The following PTER variants were observed in gnomAD, a reference collection of about 807,000 sequenced individuals.
The protein encoded by PTER is phosphotriesterase related, also known as N-acetyltaurine hydrolase.
In PTER, 38 loss-of-function variants were observed where a neutral mutation model predicts 29.6. The ratio of observed to expected loss-of-function variants is 1.28; its 90% CI spans 0.99 to 1.68. The LOEUF (loss-of-function observed/expected upper bound fraction) is 1.68, where lower values mean the gene tolerates loss of function less well. PTER is among the 40% of genes most tolerant of loss of function. PTER has a pLI of 0.00. For missense variants in PTER, 482 were observed against 427.8 expected (o/e 1.13, Z -1.12); for synonymous variants, 172 against 154.5 (o/e 1.11, Z -0.84).
intron 1 of PTER, among the ~76,000 whole-genome samples, chr10:16,440,067 A>ATATT (rs1554785093): frequency 7.4e-6 from 1 of 135,238 alleles, no homozygotes; most frequent in African/African-American, 2.8e-5. Context: ...TCCTAACAAG[A>ATATT]TTTTTTTTTT....
At chr10:16,452,724 T>TCTTCTA (rs1221684004) in intron 1 of PTER, among the ~76,000 whole-genome samples, 1 of 151,784 alleles carries the variant, frequency 6.6e-6, no homozygotes, top group Non-Finnish European at 1.5e-5. Flanking sequence ...TTCCTCTTCT[T>TCTTCTA]CTTCTACTTC....
intron 1 of PTER, among the ~76,000 whole-genome samples, chr10:16,470,495 C>T (rs1403906267): frequency 4.6e-5 from 7 of 152,192 alleles, no homozygotes; most frequent in Non-Finnish European, 7.3e-5. Context: ...TGGGAGGGAG[C>T]GGTGGCTCAC....
chr10:16,510,522 C>G (rs1415490086), intron 4 of PTER, among the ~76,000 whole-genome samples: 3 of 152,232 alleles, frequency 2.0e-5, no homozygotes, highest in Admixed American at 1.3e-4. Flanking sequence ...ATGCCCCTCA[C>G]TTGCAGACCA....
intron 1 of PTER, among the ~76,000 whole-genome samples, chr10:16,454,477 G>T (rs1834323237): frequency 1.3e-5 from 2 of 152,014 alleles, no homozygotes; most frequent in South Asian, 4.2e-4. Context: ...TTAGGAGGCT[G>T]AGACATGAGA....
chr10:16,445,237 C>G (rs186370281), intron 1 of PTER, among the ~76,000 whole-genome samples: 31 of 152,220 alleles, frequency 2.0e-4, no homozygotes, highest in African/African-American at 7.0e-4. Flanking sequence ...TTTTAACTAC[C>G]AATCGCTCTG....
At chr10:16,447,308 A>T (rs1268031649) in intron 1 of PTER, among the ~76,000 whole-genome samples, 1 of 151,588 alleles carries the variant, frequency 6.6e-6, no homozygotes, top group East Asian at 1.9e-4. Context: ...TGTGTTGCTC[A>T]GGTCAATGTC....
downstream of PTER, chr10:16,514,266 T>C (rs530825001): frequency 3.7e-6 from 2 of 546,190 alleles, no homozygotes; most frequent in East Asian, 2.9e-5. Flanking sequence ...GTGATCTATA[T>C]AGGACTTCAT....
intron 3 of PTER, among the ~76,000 whole-genome samples, chr10:16,495,168 C>CT (rs3047217): frequency 0.19 from 25,173 of 131,712 alleles, 2,911 homozygotes; most frequent in East Asian, 0.35. Flanking sequence ...TTTGGAATTA[C>CT]TTTTTTTTTT....
chr10:16,450,867 G>A (rs1834182874), intron 1 of PTER, among the ~76,000 whole-genome samples: 1 of 152,320 alleles, frequency 6.6e-6, no homozygotes, highest in South Asian at 2.1e-4. Context: ...CCCCTCATGA[G>A]TGGTGAATCA....
chr10:16,443,569 ATT>A (rs1385268354), intron 1 of PTER, among the ~76,000 whole-genome samples: 1 of 152,240 alleles, frequency 6.6e-6, no homozygotes, highest in African/African-American at 2.4e-5. Context: ...TTTAACTAAC[ATT>A]ACTTGGAGGA....
chr10:16,488,752 T>C (rs986080258), intron 3 of PTER, among the ~76,000 whole-genome samples: 11 of 152,076 alleles, frequency 7.2e-5, no homozygotes, highest in Non-Finnish European at 1.5e-4. Flanking sequence ...TACAGGCATG[T>C]GCCTCCACAC....
At chr10:16,470,994 G>A (rs771457382) in intron 1 of PTER, among the ~76,000 whole-genome samples, 17 of 152,052 alleles carry the variant, frequency 1.1e-4, no homozygotes, top group Non-Finnish European at 2.2e-4. Context: ...GTGTTCAGAT[G>A]AGATCTTGTT....
intron 1 of PTER, among the ~76,000 whole-genome samples, chr10:16,482,744 C>G (rs1835526436): frequency 6.6e-6 from 1 of 152,108 alleles, no homozygotes. Context: ...TTTTCAGTAG[C>G]TCTTGTTCCT....
intron 1 of PTER, among the ~76,000 whole-genome samples, chr10:16,449,080 C>T (rs189960524): frequency 1.3e-5 from 2 of 152,354 alleles, no homozygotes; most frequent in Non-Finnish European, 2.9e-5. Context: ...GTGGGAATCA[C>T]CACCCCTGCG....
At chr10:16,516,732 C>T (rs143439588), downstream of PTER, among the ~76,000 whole-genome samples, 5 of 152,258 alleles carry the variant, frequency 3.3e-5, no homozygotes, top group East Asian at 5.8e-4. Context: ...ACCACAAAAC[C>T]GAGTGAACGT....
At chr10:16,438,688 G>A (rs1047980517) in intron 1 of PTER, among the ~76,000 whole-genome samples, 1 of 151,008 alleles carries the variant, frequency 6.6e-6, no homozygotes, top group Non-Finnish European at 1.5e-5. Flanking sequence ...GGCACTTTGG[G>A]AGGCTGAGGC....
At chr10:16,467,546 T>C (rs996064125) in intron 1 of PTER, among the ~76,000 whole-genome samples, 1 of 152,204 alleles carries the variant, frequency 6.6e-6, no homozygotes, top group Non-Finnish European at 1.5e-5. Flanking sequence ...GCTCAGTGAC[T>C]CATGCCTGTA....
chr10:16,443,323 A>T (rs1441876991), intron 1 of PTER, among the ~76,000 whole-genome samples: 1 of 152,074 alleles, frequency 6.6e-6, no homozygotes. Context: ...CTTTTAACTT[A>T]ATTACTTCTG....
At chr10:16,505,304 C>CAGAA in intron 4 of PTER, 144 bp downstream of exon 4, 1 of 1,079,820 alleles carries the variant, frequency 9.3e-7, no homozygotes, top group Non-Finnish European at 1.3e-6. Context: ...TATGCTGTTT[C>CAGAA]AGGGAGAAAA....
Sources: gnomAD v4.1 joint callset for allele counts (sites outside exome capture counted in the v4.1 genomes callset) on GRCh38, gnomAD v4.1.1 for gene constraint, MANE v1.5 for transcripts, NCBI Gene and HGNC (gene_info 2026-07-23, HGNC 2026-07-21) for gene names.